TCEA3: variants seen among roughly 807,000 people sequenced by gnomAD.
TCEA3 encodes the protein transcription elongation factor A3.
A neutral mutation model predicts 44.0 loss-of-function variants in TCEA3; 36 were observed. That is an observed-to-expected ratio of 0.82 (90% CI 0.63 to 1.08). The LOEUF (loss-of-function observed/expected upper bound fraction) is 1.08, where lower values mean the gene tolerates loss of function less well. Ranked by LOEUF, TCEA3 falls within the 50% of genes least tolerant of loss-of-function variation. The pLI, the probability that TCEA3 is intolerant of heterozygous loss-of-function variation, is 0.00. For synonymous variants in TCEA3, 162 were observed against 159.7 expected, an observed-to-expected ratio of 1.01 and a Z score of -0.11; for missense variants, 392 against 441.2, an observed-to-expected ratio of 0.89 and a Z score of 1.00.
chr1:23,406,712 T>C (rs1267690066), intron 5 of TCEA3, among the ~76,000 whole-genome samples: 2 of 152,178 alleles, frequency 1.3e-5, no homozygotes, highest in Non-Finnish European at 2.9e-5. Flanking sequence ...AATGGCGCAA[T>C]CTCAGCTCAT....
At chr1:23,387,911 C>G (rs563929044) in intron 8 of TCEA3, among the ~76,000 whole-genome samples, 3 of 152,268 alleles carry the variant, frequency 2.0e-5, no homozygotes, top group South Asian at 4.1e-4. Context: ...GCTGCTACCC[C>G]CATCCTGAAG....
intron 8 of TCEA3, among the ~76,000 whole-genome samples, chr1:23,387,812 T>C (rs72661436): frequency 3.9e-5 from 6 of 152,200 alleles, no homozygotes; most frequent in South Asian, 2.1e-4. Context: ...CCTTCCTCTC[T>C]AGACTTGACC....
intron 5 of TCEA3, among the ~76,000 whole-genome samples, chr1:23,407,728 G>A (rs1030001163): frequency 6.6e-6 from 1 of 151,720 alleles, no homozygotes; most frequent in African/African-American, 2.4e-5. Context: ...TAGAATAAAG[G>A]CCCCCATCAC....
chr1:23,424,549 A>G lies in TCEA3; in HGVS notation c.69+16T>C, dbSNP rs1239666104. ...TCCCGGGGGCGGGGGCCGTGGCCCA[A>G]ACTCTGCAGCCTCACCGTGTTCTTC... On this transcript the variant is annotated intron_variant, in intron 1 of 10. Coordinates refer to ENST00000450454, the MANE Select transcript of TCEA3 (RefSeq NM_003196.3). The G allele has an allele frequency of 1.9e-6, 3 of 1,603,712 alleles. No individual in the cohort carries two copies. The highest frequency in any genetic ancestry group is 1.1e-5 in the South Asian group (1 of 90,808).
intron 1 of TCEA3, 108 bp downstream of exon 1, chr1:23,424,457 C>T (rs1640158726): frequency 1.0e-6 from 1 of 996,900 alleles, no homozygotes; most frequent in Non-Finnish European, 1.5e-6. Flanking sequence ...GTCCCCGAGT[C>T]CCGTACGCGC....
chr1:23,387,000 G>A (rs574761094), intron 9 of TCEA3, among the ~76,000 whole-genome samples: 2 of 152,150 alleles, frequency 1.3e-5, no homozygotes, highest in Non-Finnish European at 2.9e-5. Flanking sequence ...GATTATAGGC[G>A]TGAGCCACCG....
At chr1:23,417,152 C>G (rs1639915414) in intron 4 of TCEA3, 97 bp downstream of exon 4, 15 of 1,446,384 alleles carry the variant, frequency 1.0e-5, no homozygotes, top group Non-Finnish European at 1.3e-5. Context: ...ATCTTCCTCC[C>G]CAGGATGAAA....
At chr1:23,400,267 T>C (rs1210762491) in intron 5 of TCEA3, among the ~76,000 whole-genome samples, 1 of 151,948 alleles carries the variant, frequency 6.6e-6, no homozygotes, top group Non-Finnish European at 1.5e-5. Flanking sequence ...GTGAAGTGTG[T>C]CAATCATAGC....
intron 8 of TCEA3, among the ~76,000 whole-genome samples, chr1:23,392,547 C>A (rs1639084351): frequency 6.3e-4 from 7 of 11,054 alleles, no homozygotes; most frequent in African/African-American, 2.8e-3. Context: ...ATACACGCCA[C>A]ATACACTCCA....
chr1:23,399,162 A>G lies in TCEA3; in HGVS notation c.444-1207T>C, dbSNP rs902891857. ...TATATATGTATATATATATATATATATATATATATATATATATCCATATGT... is the reference window on the plus strand; with the variant it reads ...TATATATGTATATATATATATATATGTATATATATATATATATCCATATGT... On this transcript the variant is annotated intron_variant, in intron 5 of 10. Coordinates refer to ENST00000450454, the MANE Select transcript of TCEA3 (RefSeq NM_003196.3). 1.4e-4 allele frequency among the ~76,000 whole-genome samples: 18 copies of G among 124,384 alleles called. 1 individual carries two copies. Among genetic ancestry groups the G allele is most frequent in the African/African-American group, 5.8e-4 (18 of 30,798 alleles). 81.6% of individuals were successfully genotyped at this position (124,384 alleles called of 152,430 possible).
At chr1:23,417,728 C>A (rs1428820332) in intron 3 of TCEA3, among the ~76,000 whole-genome samples, 176 bp downstream of exon 3, 1 of 152,232 alleles carries the variant, frequency 6.6e-6, no homozygotes, top group African/African-American at 2.4e-5. Context: ...AAATCTTGCA[C>A]TTGTGTACAC....
intron 5 of TCEA3, among the ~76,000 whole-genome samples, chr1:23,405,949 C>T (rs1460545312): frequency 2.6e-5 from 4 of 152,146 alleles, no homozygotes; most frequent in South Asian, 2.1e-4. Context: ...GTTCCTGCCA[C>T]GAAATGTCAG....
At chr1:23,411,056 G>A in intron 4 of TCEA3, 1 of 201,454 alleles carries the variant, frequency 5.0e-6, no homozygotes, top group South Asian at 1.0e-4. Context: ...GTACCAAATG[G>A]GTGATGTCTG....
At chr1:23,422,595 C>A (rs115183656) in intron 1 of TCEA3, among the ~76,000 whole-genome samples, 1 of 152,134 alleles carries the variant, frequency 6.6e-6, no homozygotes, top group Non-Finnish European at 1.5e-5. Flanking sequence ...GCAGGCCCCA[C>A]CTTTCTCGGC....
At chr1:23,399,132 ATATGTATATATG>A (rs1349191214) in intron 5 of TCEA3, among the ~76,000 whole-genome samples, 5 of 76,274 alleles carry the variant, frequency 6.6e-5, no homozygotes, top group African/African-American at 2.2e-4. Flanking sequence ...TTGTTTATAT[ATATGTATATATG>A]TATATATATA....
intron 4 of TCEA3, among the ~76,000 whole-genome samples, chr1:23,412,399 CAAAAAAAAAAA>C (rs1267820171): frequency 1.8e-5 from 1 of 55,634 alleles, no homozygotes; most frequent in Non-Finnish European, 3.8e-5. Context: ...GACTCTGTCT[CAAAAAAAAAAA>C]AAAAAAAAAT....
intron 3 of TCEA3, 36 bp downstream of exon 3, chr1:23,417,868 A>G (rs1391356957): frequency 6.2e-7 from 1 of 1,601,794 alleles, no homozygotes; most frequent in East Asian, 2.2e-5. Context: ...GTGCTAGGAG[A>G]AAAACAGGGC....
chr1:23,398,726 A>C (rs986309381), intron 5 of TCEA3, among the ~76,000 whole-genome samples: 4 of 152,126 alleles, frequency 2.6e-5, no homozygotes, highest in Admixed American at 1.3e-4. Flanking sequence ...TTGAATCCAC[A>C]TCTGTCTAAT....
At chr1:23,399,164 A>ATAT (rs1161970134) in intron 5 of TCEA3, among the ~76,000 whole-genome samples, 1 of 127,588 alleles carries the variant, frequency 7.8e-6, no homozygotes, top group African/African-American at 3.1e-5. Context: ...ATATATATAT[A>ATAT]TATATATATA....
Sources: allele counts gnomAD v4.1 joint callset (sites outside exome capture counted in the v4.1 genomes callset), GRCh38; gene constraint gnomAD v4.1.1; transcripts MANE v1.5; gene names NCBI Gene and HGNC (gene_info 2026-07-23, HGNC 2026-07-21).